NLK: variants seen among roughly 807,000 people sequenced by gnomAD.
NLK encodes the protein serine/threonine-protein kinase NLK.
Under a neutral mutation model 59.0 loss-of-function variants are expected in NLK, and 11 were observed. The ratio of observed to expected loss-of-function variants is 0.19; its 90% CI spans 0.12 to 0.31. The LOEUF (loss-of-function observed/expected upper bound fraction) is 0.31. Among genes scored for constraint, NLK ranks in the 10% least tolerant of loss-of-function variants. The pLI is 1.00. For synonymous variants in NLK, 235 were observed against 235.9 expected, an observed-to-expected ratio of 1.00 and a Z score of 0.03; for missense variants, 410 against 661.1, an observed-to-expected ratio of 0.62 and a Z score of 4.16.
At chr17:28,149,011 T>C (rs989165233) in intron 3 of NLK, among the ~76,000 whole-genome samples, 4 of 152,224 alleles carry the variant, frequency 2.6e-5, no homozygotes, top group African/African-American at 9.7e-5. Flanking sequence ...GTCTGGCACA[T>C]AGTGAGCACT....
chr17:28,060,789 A>C (rs913149784), intron 1 of NLK, among the ~76,000 whole-genome samples: 1 of 152,244 alleles, frequency 6.6e-6, no homozygotes. Context: ...AAACACACAC[A>C]CACTCAAATT....
At chr17:28,139,682 A>G (rs1906905510) in intron 3 of NLK, among the ~76,000 whole-genome samples, 1 of 152,216 alleles carries the variant, frequency 6.6e-6, no homozygotes, top group Non-Finnish European at 1.5e-5. Context: ...TACTTTATTC[A>G]TATCTCCAAT....
chr17:28,139,233 A>C (rs891207122), intron 3 of NLK, among the ~76,000 whole-genome samples: 1 of 152,180 alleles, frequency 6.6e-6, no homozygotes, highest in African/African-American at 2.4e-5. Flanking sequence ...TGGGTGACAG[A>C]GAGAGACTCC....
rs534936719 is a variant in NLK, at chr17:28,089,468, T to G, written c.459-33135T>G. On this transcript the variant is annotated intron_variant, in intron 1 of 10. Transcript: ENST00000407008. ...AGAGATATACTATAGTTTTGTTGTT[T>G]TTTTTTTTCATTCACTTACTGATGA... Among the ~76,000 whole-genome samples the G allele has an allele frequency of 2.9e-3, 441 of 152,188 alleles. 4 individuals carry two copies. Among genetic ancestry groups the G allele is most frequent in the South Asian group, 7.0e-3 (34 of 4,828 alleles).
intron 1 of NLK, chr17:28,048,932 C>G (rs867513689): frequency 6.6e-6 from 1 of 152,176 alleles, no homozygotes; most frequent in Non-Finnish European, 1.5e-5. Context: ...TTTAATTATG[C>G]GTCTCTTTGG....
chr17:28,086,144 A>G lies in NLK; in HGVS notation c.459-36459A>G, dbSNP rs116117324. 6.3e-3 allele frequency among the ~76,000 whole-genome samples: 960 copies of G among 152,322 alleles called. 7 individuals are homozygous for G. Among genetic ancestry groups the G allele is most frequent in the African/African-American group, 0.023 (937 of 41,574 alleles). ...ATCATGTATGTGTGTTTTAATAAATAAGACATTTACATAATTCAGAATTCA... is the reference window on the plus strand; with the variant it reads ...ATCATGTATGTGTGTTTTAATAAATGAGACATTTACATAATTCAGAATTCA... On this transcript the variant is annotated intron_variant, in intron 1 of 10. Coordinates refer to ENST00000407008, the MANE Select transcript of NLK (RefSeq NM_016231.5).
At chr17:28,194,449 T>G in intron 10 of NLK, 133 bp from the exon 11 acceptor site, 1 of 648,178 alleles carries the variant, frequency 1.5e-6, no homozygotes, top group Admixed American at 2.8e-5. Context: ...TAAATTCAAC[T>G]TCAAAGAAAC....
chr17:28,059,971 T>G (rs1158171931), intron 1 of NLK, among the ~76,000 whole-genome samples: 1 of 152,224 alleles, frequency 6.6e-6, no homozygotes, highest in Non-Finnish European at 1.5e-5. Flanking sequence ...ATTTGTTACC[T>G]TTGTTTTAAA....
chr17:28,163,744 A>G, intron 5 of NLK, 116 bp downstream of exon 5: 1 of 651,432 alleles, frequency 1.5e-6, no homozygotes, highest in South Asian at 1.9e-5. Flanking sequence ...CCAAAAGTTA[A>G]CCCAGTTTTC....
chr17:28,133,705 C>T (rs1222551860), intron 3 of NLK, among the ~76,000 whole-genome samples: 1 of 152,090 alleles, frequency 6.6e-6, no homozygotes, highest in East Asian at 1.9e-4. Context: ...TTTTGGTAAG[C>T]TCATGATAGT....
At position 28,152,960 on chromosome 17, in the gene NLK, AT is replaced by A. The variant is rs536352068; in HGVS notation, c.645-8191del. 3.4e-5 allele frequency among the ~76,000 whole-genome samples: 5 copies of A among 148,118 alleles called. No individual in the cohort carries two copies. In the South Asian group the frequency reaches 6.5e-4, roughly 19 times the overall value. ...AGGATTTTTTTATTTTTTATTTTTT[AT>A]TTTTTTTTCCTGTATAAAAGCTCAA... On this transcript the variant is annotated intron_variant, in intron 3 of 10. Transcript: ENST00000407008.
At position 28,194,922 on chromosome 17, in the gene NLK, C is replaced by A; in HGVS notation, c.*286C>A. On this transcript the variant is annotated 3_prime_UTR_variant, in exon 11 of 11. Coordinates refer to ENST00000407008, the MANE Select transcript of NLK (RefSeq NM_016231.5). ...ACCTCAGAACAAAAGAGAATTGAAC[C>A]AAATTTGGGAGTTTGGGGTTTTATG... 3.5e-6 allele frequency: 1 copy of A among 287,764 alleles called. No individual in the cohort carries two copies. Among genetic ancestry groups the A allele is most frequent in the Non-Finnish European group, 6.4e-6 (1 of 155,742 alleles). The allele number at this position is 287,764 out of a possible 1,614,324, so 17.8% of individuals were successfully genotyped here.
intron 3 of NLK, among the ~76,000 whole-genome samples, chr17:28,143,218 A>G (rs1907085121): frequency 6.6e-6 from 1 of 151,796 alleles, no homozygotes. Flanking sequence ...TAATTTTTGT[A>G]TTTTTAATAG....
chr17:28,056,945 A>T (rs1327576395), intron 1 of NLK, among the ~76,000 whole-genome samples: 86 of 129,022 alleles, frequency 6.7e-4, no homozygotes, highest in Non-Finnish European at 1.2e-3. Context: ...TGCATTACCT[A>T]CCTTTTTTTT....
At chr17:28,101,528 G>T (rs1463176731) in intron 1 of NLK, among the ~76,000 whole-genome samples, 3 of 151,984 alleles carry the variant, frequency 2.0e-5, no homozygotes, top group South Asian at 2.1e-4. Flanking sequence ...TATTTTTTTT[G>T]TGTGTGCTTC....
intron 6 of NLK, among the ~76,000 whole-genome samples, chr17:28,168,966 A>G (rs1156690613): frequency 6.6e-6 from 1 of 151,914 alleles, no homozygotes; most frequent in Non-Finnish European, 1.5e-5. Context: ...GCTCACTGCA[A>G]CCTCCACCTG....
chr17:28,062,463 G>A (rs191457243), intron 1 of NLK, among the ~76,000 whole-genome samples: 10 of 152,264 alleles, frequency 6.6e-5, no homozygotes, highest in Admixed American at 5.9e-4. Context: ...GAATTGTACA[G>A]TGTTTTAAGA....
chr17:28,048,665 A>C (rs1240701519), intron 1 of NLK: 1 of 152,220 alleles, frequency 6.6e-6, no homozygotes, highest in Non-Finnish European at 1.5e-5. Flanking sequence ...CCTCTAATGG[A>C]GTACTGGAAT....
chr17:28,135,696 T>G (rs1391208741), intron 3 of NLK, among the ~76,000 whole-genome samples: 1 of 152,246 alleles, frequency 6.6e-6, no homozygotes, highest in Non-Finnish European at 1.5e-5. Flanking sequence ...GTAAGATAAT[T>G]GGTGAATGTG....
Sources: allele counts gnomAD v4.1 joint callset (sites outside exome capture counted in the v4.1 genomes callset), GRCh38; gene constraint gnomAD v4.1.1; transcripts MANE v1.5; gene names NCBI Gene and HGNC (gene_info 2026-07-23, HGNC 2026-07-21).